The following CCDC27 variants were observed in gnomAD, a reference collection of about 807,000 sequenced individuals.
CCDC27 encodes the protein coiled-coil domain-containing protein 27.
A neutral mutation model predicts 80.3 loss-of-function variants in CCDC27; 80 were observed. That is an observed-to-expected ratio of 1.00 (90% CI 0.83 to 1.20). The LOEUF (loss-of-function observed/expected upper bound fraction) is 1.20, where lower values mean the gene tolerates loss of function less well. CCDC27 is among the 50% of genes most tolerant of loss of function. The probability of loss-of-function intolerance (pLI) is 0.00; values close to 1 mark genes in which losing one functional copy is unlikely to be tolerated. For missense variants in CCDC27, 815 were observed against 809.4 expected, an observed-to-expected ratio of 1.01 and a Z score of -0.08; for synonymous variants, 342 against 334.3, an observed-to-expected ratio of 1.02 and a Z score of -0.25.
chr1:3,756,804 T>A lies in CCDC27; in HGVS notation c.625T>A (p.Leu209Met). The A allele has an allele frequency of 6.2e-7, 1 of 1,614,044 alleles. No individual in the cohort carries two copies. The highest frequency in any genetic ancestry group is 8.5e-7 in the Non-Finnish European group (1 of 1,179,996). ...YLRKRRKSQT[L>M]SPVTSSSVAS... ...GCGGAAGAGGAGAAAATCCCAGACTTTGAGTCCGGTCACCAGCAGCTCAGT... is the reference window on the plus strand; with the variant it reads ...GCGGAAGAGGAGAAAATCCCAGACTATGAGTCCGGTCACCAGCAGCTCAGT... Residue 209 changes from leucine (L) to methionine (M), a missense_variant, in exon 4 of 12, where the codon TTG (leucine) becomes ATG (methionine). Transcript: ENST00000294600.
At chr1:3,755,221 G>T (rs1642921795) in intron 2 of CCDC27, among the ~76,000 whole-genome samples, 1 of 152,208 alleles carries the variant, frequency 6.6e-6, no homozygotes, top group Non-Finnish European at 1.5e-5. Context: ...CCGGGGGAAA[G>T]GGGGCATCAG....
chr1:3,767,178 A>G, intron 9 of CCDC27, 55 bp from the exon 10 acceptor site: 2 of 1,537,514 alleles, frequency 1.3e-6, no homozygotes, highest in Non-Finnish European at 9.0e-7. Context: ...GGTGCCACAC[A>G]TACTCAGGTT....
chr1:3,755,530 G>T lies in CCDC27; in HGVS notation c.516G>T (p.Leu172=). ...SSETWRGTQD[L]FLARRGSDTN... ...AGACCTGGAGAGGCACCCAGGACCT[G>T]TTCTTGGCCAGGCGGGGCTCAGACA... The change falls in exon 3 of 12, where the codon CTG becomes CTT. Residue 172 remains leucine (L), a synonymous_variant. Transcript: ENST00000294600. 1 of 1,614,158 alleles carries T rather than the reference G, an allele frequency of 6.2e-7. No homozygotes were observed. Among genetic ancestry groups the T allele is most frequent in the Non-Finnish European group, 8.5e-7 (1 of 1,180,036 alleles).
Position 3,761,766 on chromosome 1 carries a change from G to A in CCDC27, c.861+336G>A, listed in dbSNP as rs1292968133. On this transcript the variant is annotated intron_variant, in intron 5 of 11. Transcript: ENST00000294600. The surrounding 1 kb of genome is among the most constrained non-coding windows in gnomAD (Gnocchi z 5.0). Reference sequence around the variant, plus strand: ...CTTTCTGAATGGGGCAAGGCACAACGCTGTCGGGGCTCAGGGTCCTTATCC... The same window carrying A: ...CTTTCTGAATGGGGCAAGGCACAACACTGTCGGGGCTCAGGGTCCTTATCC... Among the ~76,000 whole-genome samples the A allele has an allele frequency of 6.6e-6, 1 of 152,192 alleles. No homozygotes were observed. The highest frequency in any genetic ancestry group is 1.5e-5 in the Non-Finnish European group (1 of 68,038).
chr1:3,755,894 C>T, intron 3 of CCDC27: 1 of 283,244 alleles, frequency 3.5e-6, no homozygotes, highest in Non-Finnish European at 6.9e-6. Context: ...ACTGCTCCCG[C>T]AGACAGGTGT....
chr1:3,771,340 G>C, intron 11 of CCDC27, 61 bp from the exon 12 acceptor site: 4 of 1,609,766 alleles, frequency 2.5e-6, no homozygotes, highest in South Asian at 1.1e-5. Flanking sequence ...TGTGCAGACC[G>C]GCCTCAAGGC....
chr1:3,753,236 G>A lies in CCDC27; in HGVS notation c.318+437G>A, dbSNP rs191595193. Among the ~76,000 whole-genome samples, 114 of 152,252 alleles carry A rather than the reference G, an allele frequency of 7.5e-4. 1 individual carries two copies. Among genetic ancestry groups the A allele is most frequent in the Admixed American group, 5.6e-3 (86 of 15,294 alleles). ...GTGCCACCGTGTACTGGGGGAGCCC[G>A]AGATGGTCACCCCGGCTCCTGGCAG... is the stretch of plus-strand genomic sequence containing the variant. On this transcript the variant is annotated intron_variant, in intron 1 of 11. Transcript: ENST00000294600.
In CCDC27 at chr1:3,769,105, A is replaced by G. The variant is rs542455500; in HGVS notation, c.1744-678A>G. ...GGAACTCGTGCTGAGCGTGCCGCATAACTCAAGGGGTTCCTGTCTGAGGCT... is the reference window on the plus strand; with the variant it reads ...GGAACTCGTGCTGAGCGTGCCGCATGACTCAAGGGGTTCCTGTCTGAGGCT... On this transcript the variant is annotated intron_variant, in intron 10 of 11. Coordinates refer to ENST00000294600, the MANE Select transcript of CCDC27 (RefSeq NM_152492.3). This position sits in a 1 kb window ranked among gnomAD's most constrained non-coding sequence, Gnocchi z 4.6. Among the ~76,000 whole-genome samples the G allele has an allele frequency of 2.4e-4, 37 of 152,246 alleles. No individual in the cohort carries two copies. The highest frequency in any genetic ancestry group is 8.9e-4 in the African/African-American group (37 of 41,536).
At chr1:3,767,103 T>G in intron 9 of CCDC27, 130 bp from the exon 10 acceptor site, 1 of 749,228 alleles carries the variant, frequency 1.3e-6, no homozygotes, top group Non-Finnish European at 2.2e-6. Flanking sequence ...CTTCCCAAAG[T>G]GCTGGGATTA....
At chr1:3,770,661 G>T (rs1483317117) in intron 11 of CCDC27, among the ~76,000 whole-genome samples, 1 of 152,204 alleles carries the variant, frequency 6.6e-6, no homozygotes, top group Non-Finnish European at 1.5e-5. Context: ...CCCAGTGTGT[G>T]CCCCTGACCT....
chr1:3,765,497 G>T (rs1404118969), intron 8 of CCDC27, among the ~76,000 whole-genome samples: 1 of 151,928 alleles, frequency 6.6e-6, no homozygotes, highest in Non-Finnish European at 1.5e-5. Flanking sequence ...TTGTCTCTTT[G>T]TCTCTTACCG....
chr1:3,767,523 C>A, intron 10 of CCDC27, 78 bp downstream of exon 10: 1 of 1,316,758 alleles, frequency 7.6e-7, no homozygotes, highest in Non-Finnish European at 1.0e-6. Context: ...CACCGCCCAC[C>A]GAGGTAGAAC....
Position 3,754,221 on chromosome 1 carries a change from C to A in CCDC27, c.422C>A (p.Ala141Asp). The change falls in exon 2 of 12, where the codon GCC becomes GAC. Residue 141 changes from alanine (A) to aspartate (D), a missense_variant. By Grantham distance (126) the Ala-to-Asp change is moderately radical. Transcript: ENST00000294600. ...GACTGCCCCCAGTTCAGCACCAGGGCCACATCCATGTCCCACTGTGGTAAG... is the reference window on the plus strand; with the variant it reads ...GACTGCCCCCAGTTCAGCACCAGGGACACATCCATGTCCCACTGTGGTAAG... ...HPDCPQFSTR[A>D]TSMSHCGSPT... 6.2e-7 allele frequency: 1 copy of A among 1,611,080 alleles called. No individual in the cohort carries two copies. Among genetic ancestry groups the A allele is most frequent in the Non-Finnish European group, 8.5e-7 (1 of 1,178,730 alleles).
Position 3,766,842 on chromosome 1 carries a change from T to C in CCDC27, c.1530+230T>C, listed in dbSNP as rs1010363879. 6.9e-6 allele frequency among the ~76,000 whole-genome samples: 1 copy of C among 145,142 alleles called. No individual in the cohort carries two copies. The highest frequency in any genetic ancestry group is 1.5e-5 in the Non-Finnish European group (1 of 66,174). On this transcript the variant is annotated intron_variant, in intron 9 of 11. Coordinates refer to ENST00000294600, the MANE Select transcript of CCDC27 (RefSeq NM_152492.3). The surrounding 1 kb of genome is among the most constrained non-coding windows in gnomAD (Gnocchi z 6.1). ...CCCAGCAAGCGTTCCCAGTCCTTTT[T>C]TTTTTTTTTTTTTTTTTGAGACAGA...
At chr1:3,759,117 T>C (rs1361627279) in intron 4 of CCDC27, among the ~76,000 whole-genome samples, 29 of 151,552 alleles carry the variant, frequency 1.9e-4, no homozygotes. Flanking sequence ...CTTGGGAGGC[T>C]GAGGCAGGAG....
At chr1:3,767,171 G>A (rs2124597289) in intron 9 of CCDC27, 62 bp from the exon 10 acceptor site, 1 of 1,489,112 alleles carries the variant, frequency 6.7e-7, no homozygotes, top group East Asian at 2.3e-5. Context: ...GTGGATGGGT[G>A]CCACACATAC....
In CCDC27 at chr1:3,763,986, C is replaced by A; in HGVS notation, c.1452+150C>A. The A allele has an allele frequency of 7.7e-7, 1 of 1,304,986 alleles. No homozygotes were observed. The highest frequency in any genetic ancestry group is 1.5e-5 in the South Asian group (1 of 64,638). The allele number at this position is 1,304,986 out of a possible 1,614,324, so 80.8% of individuals were successfully genotyped here. On this transcript the variant is annotated intron_variant, in intron 8 of 11. Transcript: ENST00000294600. The surrounding 1 kb of genome is among the most constrained non-coding windows in gnomAD (Gnocchi z 7.5). Reference sequence around the variant, plus strand: ...TCCAGGCAGCTGGCCCAGGGTTGTGCGGCTGATAGCGGCCCCGCTAGGATT... The same window carrying A: ...TCCAGGCAGCTGGCCCAGGGTTGTGAGGCTGATAGCGGCCCCGCTAGGATT...
In CCDC27 at chr1:3,760,642, C is replaced by T. The variant is rs1272694343; in HGVS notation, c.712-639C>T. On this transcript the variant is annotated intron_variant, in intron 4 of 11. Transcript: ENST00000294600. The surrounding 1 kb of genome is among the most constrained non-coding windows in gnomAD (Gnocchi z 4.3). The stretch of plus-strand genomic sequence containing the variant: ...ACCCATTGGCTACACAGAAGCCTAT[C>T]ACTTACTTTCCAAACATTTAGGGGA... Among the ~76,000 whole-genome samples the T allele has an allele frequency of 4.6e-5, 7 of 152,234 alleles. No homozygotes were observed.
chr1:3,763,353 C>G lies in CCDC27; in HGVS notation c.1200C>G (p.Ala400=), dbSNP rs1643141232. ...PEEEEIPRRR[A]SSLAESFEEE... ...AAGAGGAGATCCCCAGGAGAAGGGCCTCCTCCCTGGCCGAGTCGTTTGAGG... is the reference window on the plus strand; with the variant it reads ...AAGAGGAGATCCCCAGGAGAAGGGCGTCCTCCCTGGCCGAGTCGTTTGAGG... Residue 400 remains alanine, a synonymous_variant, in exon 7 of 12, where the codon GCC becomes GCG. Transcript: ENST00000294600. The surrounding 1 kb of genome is among the most constrained non-coding windows in gnomAD (Gnocchi z 7.5). The G allele has an allele frequency of 1.2e-6, 2 of 1,613,050 alleles. No individual in the cohort carries two copies. Among genetic ancestry groups the G allele is most frequent in the Non-Finnish European group, 1.7e-6 (2 of 1,179,958 alleles).
Sources: allele counts gnomAD v4.1 joint callset (sites outside exome capture counted in the v4.1 genomes callset), GRCh38; gene constraint gnomAD v4.1.1; non-coding constraint Gnocchi (gnomAD v3.1); transcripts MANE v1.5; gene names NCBI Gene and HGNC (gene_info 2026-07-23, HGNC 2026-07-21).